Variants in UBOX5 observed in about 807,000 individuals in gnomAD.
UBOX5 encodes the protein U-box domain containing 5.
Under a neutral mutation model 39.0 loss-of-function variants are expected in UBOX5, and 28 were observed. That is an observed-to-expected ratio of 0.72 (90% CI 0.53 to 0.98). The LOEUF (loss-of-function observed/expected upper bound fraction) is 0.98. Among genes scored for constraint, UBOX5 ranks in the 50% least tolerant of loss-of-function variants. The pLI, the probability that UBOX5 is intolerant of heterozygous loss-of-function variation, is 0.00. For synonymous variants in UBOX5, 283 were observed against 275.5 expected, an observed-to-expected ratio of 1.03 and a Z score of -0.27; for missense variants, 585 against 674.4, an observed-to-expected ratio of 0.87 and a Z score of 1.47.
intron 1 of UBOX5, among the ~76,000 whole-genome samples, chr20:3,133,650 T>C (rs2066446429): frequency 1.3e-5 from 2 of 152,152 alleles, no homozygotes; most frequent in Admixed American, 1.3e-4. Context: ...GCTTCTGATT[T>C]CAGTGTTAAA....
chr20:3,158,461 CTTAT>C (rs537505430), intron 1 of UBOX5, among the ~76,000 whole-genome samples: 245 of 151,714 alleles, frequency 1.6e-3, no homozygotes, highest in African/African-American at 5.5e-3. Flanking sequence ...ATTTTATTTA[CTTAT>C]TTATTTATTT....
chr20:3,117,151 C>T (rs531656746), intron 3 of UBOX5, among the ~76,000 whole-genome samples: 1 of 151,622 alleles, frequency 6.6e-6, no homozygotes, highest in African/African-American at 2.4e-5. Context: ...CAAGCACTGA[C>T]AATCACAAGG....
At chr20:3,143,408 C>A (rs1200552945) in intron 1 of UBOX5, among the ~76,000 whole-genome samples, 3 of 150,306 alleles carry the variant, frequency 2.0e-5, no homozygotes, top group Admixed American at 2.0e-4. Context: ...GATTAATCAT[C>A]TGTATTTCTA....
chr20:3,148,010 C>T (rs772486694), intron 1 of UBOX5: 8 of 1,614,170 alleles, frequency 5.0e-6, no homozygotes, highest in East Asian at 2.2e-5. Flanking sequence ...CACTAAGGAG[C>T]GACTACTCAG....
chr20:3,120,645 C>CAAAAA, intron 3 of UBOX5, among the ~76,000 whole-genome samples: 1 of 70,904 alleles, frequency 1.4e-5, no homozygotes, highest in South Asian at 4.4e-4. Context: ...GACTCCATCT[C>CAAAAA]AAAAAAAAAA....
intron 1 of UBOX5, among the ~76,000 whole-genome samples, chr20:3,150,354 G>A (rs895578779): frequency 6.6e-6 from 1 of 152,148 alleles, no homozygotes; most frequent in Non-Finnish European, 1.5e-5. Context: ...GCCAATTGAC[G>A]CAACTGCCCC....
intron 1 of UBOX5, among the ~76,000 whole-genome samples, chr20:3,125,825 G>T (rs187432981): frequency 0.02 from 2,813 of 142,048 alleles, 98 homozygotes; most frequent in African/African-American, 0.071. Context: ...AGTGAGGAGC[G>T]CCTCTGCCCG....
chr20:3,138,982 GA>G (rs1284375238), intron 1 of UBOX5, among the ~76,000 whole-genome samples: 3 of 151,590 alleles, frequency 2.0e-5, no homozygotes, highest in African/African-American at 4.8e-5. Flanking sequence ...TTACAGAAGG[GA>G]AAAAAAAGAA....
chr20:3,150,052 C>T (rs998719832), intron 1 of UBOX5, among the ~76,000 whole-genome samples: 5 of 151,944 alleles, frequency 3.3e-5, no homozygotes, highest in Admixed American at 6.6e-5. Flanking sequence ...TTAGTTATAC[C>T]TACGATAACC....
At chr20:3,116,758 A>C (rs192487612) in intron 3 of UBOX5, 1 of 152,330 alleles carries the variant, frequency 6.6e-6, no homozygotes, top group East Asian at 1.9e-4. Context: ...TAGGAAACTA[A>C]AAGAATGATC....
chr20:3,149,829 C>CCAA lies in UBOX5; in HGVS notation c.-42+9934_-42+9936dup, dbSNP rs1328034571. Among the ~76,000 whole-genome samples, 1 of 152,040 alleles carries CCAA rather than the reference C, an allele frequency of 6.6e-6. No individual in the cohort carries two copies. The highest frequency in any genetic ancestry group is 2.4e-5 in the African/African-American group (1 of 41,368). ...GGTCAGGAGTTCAAGACCAGCCTGG[C>CCAA]CAACAAGGCGAAATCCCGTCTCTAT... On this transcript the variant is annotated intron_variant, in intron 1 of 4. Coordinates refer to ENST00000217173, the MANE Select transcript of UBOX5 (RefSeq NM_014948.4). The surrounding 1 kb of genome is among the most constrained non-coding windows in gnomAD (Gnocchi z 4.1).
chr20:3,141,176 C>T (rs2148613190), intron 1 of UBOX5, among the ~76,000 whole-genome samples: 1 of 152,006 alleles, frequency 6.6e-6, no homozygotes, highest in Middle Eastern at 3.4e-3. Flanking sequence ...GCCTCAGCCT[C>T]CCAAAGTGCT....
At chr20:3,150,256 G>A (rs1276674125) in intron 1 of UBOX5, among the ~76,000 whole-genome samples, 4 of 152,126 alleles carry the variant, frequency 2.6e-5, no homozygotes, top group African/African-American at 9.7e-5. Context: ...TTTGGTGGGA[G>A]AAAGCAGAAG....
At chr20:3,114,097 G>A (rs1173881969) in intron 4 of UBOX5, among the ~76,000 whole-genome samples, 3 of 152,174 alleles carry the variant, frequency 2.0e-5, no homozygotes, top group African/African-American at 2.4e-5. Context: ...TCGCGCCATC[G>A]CACTCCAGCT....
chr20:3,118,079 A>G (rs2066307087), intron 3 of UBOX5, among the ~76,000 whole-genome samples: 1 of 152,082 alleles, frequency 6.6e-6, no homozygotes. Context: ...AATCACTTAA[A>G]TCCCAGCAGC....
rs536949168 is a variant in UBOX5 at position 3,139,838 on chromosome 20, T to C, written c.-41-16432A>G. On this transcript the variant is annotated intron_variant, in intron 1 of 4. Coordinates refer to ENST00000217173, the MANE Select transcript of UBOX5 (RefSeq NM_014948.4). ...GATTCTCCTGCCTCAGCCTCCTGAG[T>C]AACTGGTATTACAGGCATGCACCAC... Among the ~76,000 whole-genome samples, 6 of 151,908 alleles carry C rather than the reference T, an allele frequency of 3.9e-5. No individual in the cohort carries two copies. In the East Asian group the frequency reaches 1.2e-3, roughly 29 times the overall value.
At chr20:3,117,053 A>C (rs2066298739) in intron 3 of UBOX5, among the ~76,000 whole-genome samples, 1 of 151,742 alleles carries the variant, frequency 6.6e-6, no homozygotes. Flanking sequence ...CCATAATCAC[A>C]CTACTGCACT....
chr20:3,117,114 T>C (rs560978376), intron 3 of UBOX5, among the ~76,000 whole-genome samples: 1 of 147,444 alleles, frequency 6.8e-6, no homozygotes, highest in Non-Finnish European at 1.5e-5. Context: ...AAAGGAAACG[T>C]GTCAAAGAGC....
At chr20:3,132,144 T>C (rs936221778) in intron 1 of UBOX5, among the ~76,000 whole-genome samples, 1 of 151,200 alleles carries the variant, frequency 6.6e-6, no homozygotes. Context: ...AACCCGATGC[T>C]ACTAAAAATA....
Sources: gnomAD v4.1 joint callset for allele counts (sites outside exome capture counted in the v4.1 genomes callset) on GRCh38, gnomAD v4.1.1 for gene constraint, Gnocchi (gnomAD v3.1) non-coding constraint, MANE v1.5 for transcripts, NCBI Gene and HGNC (gene_info 2026-07-23, HGNC 2026-07-21) for gene names.